The following SCHIP1 variants were observed in gnomAD, a reference collection of about 807,000 sequenced individuals.
SCHIP1 encodes the protein schwannomin interacting protein 1.
SCHIP1 carries 8 observed loss-of-function variants against 29.7 expected under a neutral mutation model. The observed-to-expected ratio is 0.27, with a 90% confidence interval of 0.16 to 0.49. The LOEUF (loss-of-function observed/expected upper bound fraction) is 0.49. SCHIP1 is among the 20% of genes least tolerant of loss of function. SCHIP1 has a pLI of 0.99. For missense variants in SCHIP1, 193 were observed against 294.6 expected (o/e 0.66, Z 2.52); for synonymous variants, 76 against 94.9 (o/e 0.80, Z 1.16).
chr3:159,408,221 C>A, the SCHIP1 span, among the ~76,000 whole-genome samples: 1 of 151,772 alleles, frequency 6.6e-6, no homozygotes, highest in Admixed American at 6.6e-5. Flanking sequence ...TGGCGTGAAC[C>A]CAGGAGGCAG....
chr3:159,341,142 C>T, the SCHIP1 span, among the ~76,000 whole-genome samples: 1 of 151,910 alleles, frequency 6.6e-6, no homozygotes, highest in Non-Finnish European at 1.5e-5. Context: ...GTTTTCTTTG[C>T]TATCTCACCC....
the SCHIP1 span, among the ~76,000 whole-genome samples, chr3:159,774,856 G>A: frequency 7.2e-5 from 11 of 152,162 alleles, no homozygotes. Context: ...TTTTACTGAT[G>A]CCTCTGTATC....
chr3:159,886,703 C>T, intron 3 of SCHIP1: 2 of 196,390 alleles, frequency 1.0e-5, no homozygotes, highest in Non-Finnish European at 2.1e-5. Context: ...CTGCAGTGAG[C>T]TATGATGACA....
the SCHIP1 span, among the ~76,000 whole-genome samples, chr3:159,577,632 G>A: frequency 1.3e-5 from 2 of 152,132 alleles, no homozygotes; most frequent in African/African-American, 2.4e-5. Flanking sequence ...AAATCATCAG[G>A]CAATTTGTTC....
the SCHIP1 span, among the ~76,000 whole-genome samples, chr3:159,440,508 T>G: frequency 6.6e-6 from 1 of 152,122 alleles, no homozygotes; most frequent in Non-Finnish European, 1.5e-5. Flanking sequence ...GGACAAGAAA[T>G]GAAGATGTGA....
At chr3:159,597,267 T>C in the SCHIP1 span, among the ~76,000 whole-genome samples, 1 of 152,170 alleles carries the variant, frequency 6.6e-6, no homozygotes, top group African/African-American at 2.4e-5. Flanking sequence ...AATTTTGTAA[T>C]GTATATATAA....
At chr3:159,286,181 C>G in the SCHIP1 span, among the ~76,000 whole-genome samples, 1 of 152,014 alleles carries the variant, frequency 6.6e-6, no homozygotes. Flanking sequence ...AGGTAATAAG[C>G]GTAGTACCTG....
At chr3:159,610,732 G>A in the SCHIP1 span, among the ~76,000 whole-genome samples, 1 of 151,906 alleles carries the variant, frequency 6.6e-6, no homozygotes, top group South Asian at 2.1e-4. Context: ...GGTATAGAAT[G>A]GTATTAAAAA....
the SCHIP1 span, among the ~76,000 whole-genome samples, chr3:159,529,036 G>A: frequency 1.3e-5 from 2 of 152,174 alleles, no homozygotes; most frequent in East Asian, 3.9e-4. Flanking sequence ...ACTGAATATT[G>A]CTGTTTGCCA....
the SCHIP1 span, among the ~76,000 whole-genome samples, chr3:159,668,211 T>C: frequency 6.6e-6 from 1 of 151,412 alleles, no homozygotes; most frequent in East Asian, 1.9e-4. Flanking sequence ...CTACTAAAAA[T>C]ACCAAAAGAA....
chr3:159,621,548 G>A, the SCHIP1 span, among the ~76,000 whole-genome samples: 1 of 152,176 alleles, frequency 6.6e-6, no homozygotes, highest in Non-Finnish European at 1.5e-5. Context: ...CCCCAATGAG[G>A]CTGCTAATCC....
the SCHIP1 span, among the ~76,000 whole-genome samples, chr3:159,475,642 T>A: frequency 6.6e-6 from 1 of 152,198 alleles, no homozygotes; most frequent in African/African-American, 2.4e-5. Flanking sequence ...TACTTTTAGC[T>A]TCATGCTGAA....
At chr3:159,314,302 A>G in the SCHIP1 span, among the ~76,000 whole-genome samples, 5 of 152,302 alleles carry the variant, frequency 3.3e-5, no homozygotes, top group South Asian at 1.0e-3. Context: ...AGAAACTGGA[A>G]GTCCAGTATT....
At chr3:159,448,946 C>T in the SCHIP1 span, among the ~76,000 whole-genome samples, 1 of 152,098 alleles carries the variant, frequency 6.6e-6, no homozygotes, top group African/African-American at 2.4e-5. Context: ...CATGTCTACT[C>T]CTACATAAAA....
chr3:159,487,763 G>C, the SCHIP1 span, among the ~76,000 whole-genome samples: 38 of 152,288 alleles, frequency 2.5e-4, no homozygotes, highest in African/African-American at 9.1e-4. Context: ...AAGGGAGGCA[G>C]AATCACCTTC....
At chr3:159,485,731 T>G in the SCHIP1 span, among the ~76,000 whole-genome samples, 2 of 152,202 alleles carry the variant, frequency 1.3e-5, no homozygotes, top group African/African-American at 4.8e-5. Flanking sequence ...ATACCTCCAT[T>G]GCAGAGTTAC....
the SCHIP1 span, among the ~76,000 whole-genome samples, chr3:159,505,627 C>G: frequency 2.6e-5 from 4 of 152,224 alleles, no homozygotes; most frequent in East Asian, 7.7e-4. Context: ...CTGGCCCCAC[C>G]CACCCTACAA....
At chr3:159,382,609 T>C in the SCHIP1 span, among the ~76,000 whole-genome samples, 1 of 152,196 alleles carries the variant, frequency 6.6e-6, no homozygotes, top group South Asian at 2.1e-4. Flanking sequence ...TATAATCCTT[T>C]GGGTATATAC....
intron 6 of SCHIP1, among the ~76,000 whole-genome samples, chr3:159,896,507 T>C (rs1280605623): frequency 6.6e-6 from 1 of 152,246 alleles, no homozygotes; most frequent in Non-Finnish European, 1.5e-5. Context: ...ATTCATCCAG[T>C]GGCTTACTAA....
Sources: allele counts gnomAD v4.1 joint callset (sites outside exome capture counted in the v4.1 genomes callset), GRCh38; gene constraint gnomAD v4.1.1; transcripts MANE v1.5; gene names NCBI Gene and HGNC (gene_info 2026-07-23, HGNC 2026-07-21).